ACACA: variants seen among roughly 807,000 people sequenced by gnomAD.
The protein encoded by ACACA is acetyl-CoA carboxylase 1.
Under a neutral mutation model 296.1 loss-of-function variants are expected in ACACA, and 103 were observed. That is an observed-to-expected ratio of 0.35 (90% CI 0.30 to 0.41). The LOEUF is 0.41. Among genes scored for constraint, ACACA ranks in the 10% least tolerant of loss-of-function variants. ACACA has a pLI of 1.00. For missense variants in ACACA, 1,554 were observed against 2,989.7 expected, an observed-to-expected ratio of 0.52 and a Z score of 11.20; for synonymous variants, 953 against 1,038.6, an observed-to-expected ratio of 0.92 and a Z score of 1.58.
At chr17:37,385,898 T>C (rs1251720809) in intron 1 of ACACA, 1 of 694,334 alleles carries the variant, frequency 1.4e-6, no homozygotes, top group East Asian at 2.8e-5. Flanking sequence ...GACAGGTTAA[T>C]GGGACCACAA....
rs2077306386 is a variant in ACACA, at chr17:37,181,247, G to C, written c.4886C>G (p.Ser1629Cys). ...ATCATATATGTATGTTGTCCCTAAG[G>C]ATTGTGCCTGGAACCTCTTTGATTG... Reference protein sequence around the residue: ...LLQSKRFQAQSLGTTYIYDIP... With the variant: ...LLQSKRFQAQCLGTTYIYDIP... Residue 1629 changes from serine to cysteine, a missense_variant, in exon 40 of 56, where the codon TCC becomes TGC. Coordinates refer to ENST00000616317, the MANE Select transcript of ACACA (RefSeq NM_198834.3). 6.2e-6 allele frequency: 10 copies of C among 1,614,064 alleles called. No homozygotes were observed. Among genetic ancestry groups the C allele is most frequent in the Non-Finnish European group, 8.5e-6 (10 of 1,179,998 alleles).
intron 3 of ACACA, among the ~76,000 whole-genome samples, chr17:37,288,603 A>G (rs2146675040): frequency 6.6e-6 from 1 of 152,316 alleles, no homozygotes; most frequent in Non-Finnish European, 1.5e-5. Flanking sequence ...ACATAATTTT[A>G]AAAGGTGAAC....
intron 3 of ACACA, among the ~76,000 whole-genome samples, chr17:37,325,466 T>A (rs897500484): frequency 6.6e-6 from 1 of 151,322 alleles, no homozygotes; most frequent in Non-Finnish European, 1.5e-5. Flanking sequence ...TATATCAACC[T>A]CTAGCTGATC....
intron 1 of ACACA, chr17:37,388,694 G>A (rs1197796411): frequency 6.2e-7 from 1 of 1,612,390 alleles, no homozygotes; most frequent in Non-Finnish European, 8.5e-7. Context: ...CTAGAGAAGA[G>A]ACAGAAATGG....
At chr17:37,321,890 G>A (rs1385071926) in intron 3 of ACACA, among the ~76,000 whole-genome samples, 1 of 150,610 alleles carries the variant, frequency 6.6e-6, no homozygotes, top group Non-Finnish European at 1.5e-5. Context: ...GTTGCAGTAA[G>A]CCGAGATCGT....
rs576358874 is a variant in ACACA, at chr17:37,395,718, T to C, written c.38+10544A>G. Among the ~76,000 whole-genome samples the C allele has an allele frequency of 7.3e-4, 111 of 152,166 alleles. 1 individual carries two copies. The highest frequency in any genetic ancestry group is 2.6e-3 in the African/African-American group (108 of 41,552). ...CCACCATGCTCGGCTAATTTTTGTA[T>C]TTTTAGTAGAGACGAGGTTTCACCA... On this transcript the variant is annotated intron_variant, in intron 1 of 55. Coordinates refer to ENST00000616317, the MANE Select transcript of ACACA (RefSeq NM_198834.3).
chr17:37,359,229 C>A, intron 1 of ACACA: 1 of 804,668 alleles, frequency 1.2e-6, no homozygotes, highest in Non-Finnish European at 1.5e-6. Context: ...CGGGGTTACT[C>A]CAGGCCGTTC....
intron 3 of ACACA, among the ~76,000 whole-genome samples, chr17:37,322,768 G>A (rs928091793): frequency 3.9e-5 from 6 of 152,148 alleles, no homozygotes; most frequent in African/African-American, 1.2e-4. Flanking sequence ...TCTGGACACC[G>A]AGGGGAATTC....
chr17:37,314,078 G>A (rs2046972217), intron 3 of ACACA, among the ~76,000 whole-genome samples: 1 of 150,770 alleles, frequency 6.6e-6, no homozygotes, highest in Admixed American at 6.6e-5. Context: ...ATTTCCCTAA[G>A]ACATATTTCC....
intron 18 of ACACA, among the ~76,000 whole-genome samples, chr17:37,247,363 T>C (rs2080760231): frequency 7.1e-6 from 1 of 140,224 alleles, no homozygotes; most frequent in African/African-American, 3.1e-5. Context: ...GTGTTGAACA[T>C]TTGTGAATTT....
chr17:37,164,013 C>T (rs941323301), intron 41 of ACACA, among the ~76,000 whole-genome samples: 4 of 152,122 alleles, frequency 2.6e-5, no homozygotes, highest in Non-Finnish European at 5.9e-5. Context: ...CTGCCTGTTT[C>T]CCCTATACCT....
chr17:37,207,525 A>C, intron 31 of ACACA, 132 bp downstream of exon 31: 2 of 1,084,776 alleles, frequency 1.8e-6, no homozygotes, highest in Non-Finnish European at 2.7e-6. Flanking sequence ...CGGCATATAC[A>C]GCAAGGGTTA....
intron 1 of ACACA, among the ~76,000 whole-genome samples, chr17:37,404,700 G>C (rs934591283): frequency 1.3e-4 from 19 of 150,272 alleles, no homozygotes; most frequent in Admixed American, 1.1e-3. Context: ...TCAGCCTCCC[G>C]AGTAGCTGGG....
chr17:37,252,485 G>A (rs534278664), intron 15 of ACACA, among the ~76,000 whole-genome samples: 9 of 152,198 alleles, frequency 5.9e-5, no homozygotes, highest in African/African-American at 1.9e-4. Context: ...TGAATCTAAC[G>A]ATTTTATACA....
chr17:37,223,455 G>A (rs2079387883), intron 28 of ACACA, 57 bp downstream of exon 28: 11 of 1,416,034 alleles, frequency 7.8e-6, no homozygotes, highest in East Asian at 4.6e-5. Context: ...CAAATAGACA[G>A]AAGAAACCAG....
chr17:37,224,604 T>C (rs2145699471), intron 27 of ACACA, among the ~76,000 whole-genome samples: 1 of 152,244 alleles, frequency 6.6e-6, no homozygotes, highest in South Asian at 2.1e-4. Flanking sequence ...CAACTACCTA[T>C]GTATACATCT....
intron 3 of ACACA, chr17:37,299,704 T>A: frequency 9.9e-7 from 1 of 1,011,654 alleles, no homozygotes; most frequent in Non-Finnish European, 1.2e-6. Context: ...GCAAACATTT[T>A]CAACAACAGT....
chr17:37,285,978 G>C (rs1325277050), intron 3 of ACACA, among the ~76,000 whole-genome samples: 1 of 152,024 alleles, frequency 6.6e-6, no homozygotes, highest in African/African-American at 2.4e-5. Flanking sequence ...TACAACCTTC[G>C]ACTCCCAGGT....
chr17:37,111,562 G>A lies in ACACA; in HGVS notation c.6534C>T (p.Asp2178=), dbSNP rs542037525. Reference sequence around the variant, plus strand: ...GCTCAGCCAAGTGGATGTAGACTGGGTCCACCCGACGCATGGTTTTCACCA... The same window carrying A: ...GCTCAGCCAAGTGGATGTAGACTGGATCCACCCGACGCATGGTTTTCACCA... The part of the protein sequence containing the change: ...KDLVKTMRRV[D]PVYIHLAERL... Residue 2178 remains aspartate, a synonymous_variant, in exon 52 of 56, where the codon GAC becomes GAT. Coordinates refer to ENST00000616317, the MANE Select transcript of ACACA (RefSeq NM_198834.3). 237 of 1,614,154 alleles carry A rather than the reference G, an allele frequency of 1.5e-4. 9 individuals carry two copies. In the South Asian group the frequency reaches 2.3e-3, roughly 16 times the overall value.
Sources: allele counts gnomAD v4.1 joint callset (sites outside exome capture counted in the v4.1 genomes callset), GRCh38; gene constraint gnomAD v4.1.1; transcripts MANE v1.5; gene names NCBI Gene and HGNC (gene_info 2026-07-23, HGNC 2026-07-21).